Variants in DNAJC13 observed in about 807,000 individuals in gnomAD.
DNAJC13 encodes the protein DnaJ heat shock protein family (Hsp40) member C13.
In DNAJC13, 75 loss-of-function variants were observed where a neutral mutation model predicts 290.5. The ratio of observed to expected loss-of-function variants is 0.26; its 90% CI spans 0.21 to 0.31. DNAJC13 has a LOEUF of 0.31. DNAJC13 is among the 10% of genes least tolerant of loss of function. DNAJC13 has a pLI of 1.00. For missense variants in DNAJC13, 2,260 were observed against 2,674.5 expected (o/e 0.85, Z 3.42); for synonymous variants, 862 against 892.0 (o/e 0.97, Z 0.60).
At chr3:132,447,532 AC>A in intron 4 of DNAJC13, 62 bp downstream of exon 4, 1 of 1,411,578 alleles carries the variant, frequency 7.1e-7, no homozygotes, top group Middle Eastern at 2.1e-4. Flanking sequence ...TGAAGTAGTT[AC>A]ATAGAAGTAG....
chr3:132,469,814 G>A (rs11925701), intron 20 of DNAJC13, among the ~76,000 whole-genome samples: 14,039 of 151,010 alleles, frequency 0.093, 816 homozygotes, highest in South Asian at 0.14. Flanking sequence ...TTTCTATGTC[G>A]TCTAGTCTGG....
chr3:132,494,844 A>G (rs573122754), intron 34 of DNAJC13, among the ~76,000 whole-genome samples: 77 of 152,170 alleles, frequency 5.1e-4, no homozygotes, highest in African/African-American at 1.7e-3. Flanking sequence ...AGTTCTTCCA[A>G]CTCAAATATA....
chr3:132,493,246 T>A (rs561753486), intron 33 of DNAJC13, among the ~76,000 whole-genome samples: 1 of 152,052 alleles, frequency 6.6e-6, no homozygotes, highest in Non-Finnish European at 1.5e-5. Flanking sequence ...CCTGAGTCTT[T>A]GTGTATCTGT....
At chr3:132,535,042 C>T (rs1936547740) in intron 55 of DNAJC13, among the ~76,000 whole-genome samples, 1 of 152,218 alleles carries the variant, frequency 6.6e-6, no homozygotes, top group Admixed American at 6.5e-5. Context: ...AGATTGTACC[C>T]AGCCCCTCTG....
At chr3:132,512,881 C>G (rs936364945) in intron 44 of DNAJC13, 127 bp from the exon 45 acceptor site, 3 of 758,650 alleles carry the variant, frequency 4.0e-6, no homozygotes, top group Non-Finnish European at 6.5e-6. Context: ...TACTTCATGT[C>G]ACAGATGTTT....
At chr3:132,528,155 C>A (rs1395830555) in intron 53 of DNAJC13, 34 bp from the exon 54 acceptor site, 1 of 1,602,352 alleles carries the variant, frequency 6.2e-7, no homozygotes, top group Admixed American at 1.7e-5. Flanking sequence ...TGCATTTTTT[C>A]TGTGTGTTTA....
chr3:132,453,164 T>C, intron 6 of DNAJC13, 134 bp from the exon 7 acceptor site: 1 of 692,144 alleles, frequency 1.4e-6, no homozygotes. Flanking sequence ...TTGAAACAAC[T>C]GCTTATTTGC....
At chr3:132,495,309 G>A in intron 35 of DNAJC13, 143 bp downstream of exon 35, 1 of 591,198 alleles carries the variant, frequency 1.7e-6, no homozygotes, top group South Asian at 3.4e-5. Flanking sequence ...CTGGCCACAT[G>A]CCCATAGTTT....
chr3:132,469,806 T>A (rs867205444), intron 20 of DNAJC13, among the ~76,000 whole-genome samples: 1 of 151,692 alleles, frequency 6.6e-6, no homozygotes, highest in African/African-American at 2.4e-5. Context: ...CTTTTTTCTT[T>A]CTATGTCGTC....
intron 32 of DNAJC13, 22 bp downstream of exon 32, chr3:132,491,073 T>G (rs762869986): frequency 5.1e-6 from 8 of 1,565,656 alleles, no homozygotes; most frequent in African/African-American, 1.4e-5. Flanking sequence ...GTTGACTGAT[T>G]GATTTGTATT....
At chr3:132,491,143 C>A in intron 32 of DNAJC13, 92 bp downstream of exon 32, 1 of 1,104,444 alleles carries the variant, frequency 9.1e-7, no homozygotes, top group Non-Finnish European at 1.3e-6. Context: ...GAAATGTTTT[C>A]ACTAGGTTTA....
chr3:132,502,896 T>C (rs1419843527), intron 40 of DNAJC13, among the ~76,000 whole-genome samples: 1 of 152,216 alleles, frequency 6.6e-6, no homozygotes, highest in Non-Finnish European at 1.5e-5. Context: ...AAATGTGTGC[T>C]TCTAGCAGGC....
Position 132,523,671 on chromosome 3 carries a change from G to A in DNAJC13, c.6018G>A (p.Leu2006=). ...AGCCTAGAGAATTTCTTATTGCCCT[G>A]TTAGAAAAATTAACTGAGCTCCTAG... ...LRKPREFLIA[L]LEKLTELLEK... Residue 2006 remains leucine (L), a synonymous_variant, in exon 51 of 56, where the codon CTG becomes CTA. Coordinates refer to ENST00000260818, the MANE Select transcript of DNAJC13 (RefSeq NM_015268.4). The A allele has an allele frequency of 6.2e-7, 1 of 1,613,980 alleles. No homozygotes were observed. The highest frequency in any genetic ancestry group is 8.5e-7 in the Non-Finnish European group (1 of 1,179,926).
intron 20 of DNAJC13, chr3:132,472,443 G>A (rs1934313429): frequency 9.4e-6 from 5 of 534,092 alleles, no homozygotes; most frequent in South Asian, 1.6e-4. Context: ...ACCTATTTTA[G>A]TCTTAAAGTA....
Position 132,432,258 on chromosome 3 carries a change from G to A in DNAJC13, c.-13-2280G>A, listed in dbSNP as rs376799064. Among the ~76,000 whole-genome samples the A allele has an allele frequency of 9.9e-5, 15 of 151,874 alleles. No individual in the cohort carries two copies. The East Asian group carries it at 1.4e-3, about 14-fold the overall frequency. The stretch of plus-strand genomic sequence containing the variant: ...TGCTCTGTTACCCAGGCTGGAGTGC[G>A]GTGGTGCGATCTCGGCTCACTGCAA... On this transcript the variant is annotated intron_variant, in intron 1 of 55. Coordinates refer to ENST00000260818, the MANE Select transcript of DNAJC13 (RefSeq NM_015268.4).
At chr3:132,460,203 A>G (rs1933743092) in intron 13 of DNAJC13, 47 bp from the exon 14 acceptor site, 2 of 1,293,728 alleles carry the variant, frequency 1.5e-6, no homozygotes, top group Non-Finnish European at 2.2e-6. Context: ...ATGCTAGCAC[A>G]TGGGACTGCT....
intron 48 of DNAJC13, among the ~76,000 whole-genome samples, chr3:132,518,032 A>T (rs2107738901): frequency 6.6e-6 from 1 of 152,212 alleles, no homozygotes; most frequent in Non-Finnish European, 1.5e-5. Context: ...GTAATATCTA[A>T]TATTAGTTAT....
chr3:132,427,521 ATCC>A (rs1939131253), intron 1 of DNAJC13, among the ~76,000 whole-genome samples: 4 of 152,238 alleles, frequency 2.6e-5, no homozygotes, highest in Admixed American at 2.6e-4. Context: ...AATAAATGGC[ATCC>A]TCATGTACAT....
At chr3:132,456,059 C>T (rs1286611004) in intron 9 of DNAJC13, among the ~76,000 whole-genome samples, 176 bp from the exon 10 acceptor site, 1 of 152,154 alleles carries the variant, frequency 6.6e-6, no homozygotes, top group African/African-American at 2.4e-5. Flanking sequence ...CATGTAGCAG[C>T]ACGGTGAAGA....
Sources: gnomAD v4.1 joint callset for allele counts (sites outside exome capture counted in the v4.1 genomes callset) on GRCh38, gnomAD v4.1.1 for gene constraint, MANE v1.5 for transcripts, NCBI Gene and HGNC (gene_info 2026-07-23, HGNC 2026-07-21) for gene names.